CNTNAP2: variants seen among roughly 807,000 people sequenced by gnomAD.
CNTNAP2 encodes contactin-associated protein-like 2.
CNTNAP2 carries 98 observed loss-of-function variants against 155.2 expected under a neutral mutation model. The ratio of observed to expected loss-of-function variants is 0.63; its 90% CI spans 0.54 to 0.75. The LOEUF is 0.75. Ranked by LOEUF, CNTNAP2 falls within the 30% of genes least tolerant of loss-of-function variation. The pLI is 0.00. For synonymous variants in CNTNAP2, 651 were observed against 631.2 expected, an observed-to-expected ratio of 1.03 and a Z score of -0.47; for missense variants, 1,727 against 1,688.1, an observed-to-expected ratio of 1.02 and a Z score of -0.40.
chr7:147,911,123 TC>T (rs1256694452), intron 14 of CNTNAP2, among the ~76,000 whole-genome samples: 1 of 150,642 alleles, frequency 6.6e-6, no homozygotes, highest in Non-Finnish European at 1.5e-5. Context: ...CCCATTTCCC[TC>T]TCCTCCTAGC....
At chr7:148,319,834 A>G (rs1177801587) in intron 21 of CNTNAP2, among the ~76,000 whole-genome samples, 1 of 151,882 alleles carries the variant, frequency 6.6e-6, no homozygotes, top group Non-Finnish European at 1.5e-5. Context: ...AGTAAGTTGT[A>G]TAGTTATTTC....
intron 22 of CNTNAP2, among the ~76,000 whole-genome samples, chr7:148,392,501 G>A (rs1460243448): frequency 6.6e-6 from 1 of 152,196 alleles, no homozygotes; most frequent in Non-Finnish European, 1.5e-5. Flanking sequence ...TTGCTAGCAG[G>A]TGAATTCACA....
intron 21 of CNTNAP2, among the ~76,000 whole-genome samples, chr7:148,304,635 G>A (rs1919692): frequency 0.6 from 91,415 of 151,952 alleles, 29,392 homozygotes; most frequent in East Asian, 0.75. Flanking sequence ...GCTGGGTGCT[G>A]AAAAAACTTT....
At chr7:146,953,236 C>G (rs1228493091) in intron 3 of CNTNAP2, among the ~76,000 whole-genome samples, 1 of 151,838 alleles carries the variant, frequency 6.6e-6, no homozygotes, top group African/African-American at 2.4e-5. Context: ...TCAAGAAGTA[C>G]CAGCCACAAA....
chr7:146,165,353 GT>G (rs1408010299), intron 1 of CNTNAP2, among the ~76,000 whole-genome samples: 12 of 152,028 alleles, frequency 7.9e-5, no homozygotes, highest in African/African-American at 2.7e-4. Context: ...TTCCCAAAAG[GT>G]GGCATGCTTG....
chr7:147,457,326 C>T (rs945469484), intron 10 of CNTNAP2, among the ~76,000 whole-genome samples: 1 of 152,140 alleles, frequency 6.6e-6, no homozygotes, highest in African/African-American at 2.4e-5. Context: ...TTTCCTTCGA[C>T]TCAATGTGCT....
intron 8 of CNTNAP2, among the ~76,000 whole-genome samples, chr7:147,166,726 AG>A (rs1034144944): frequency 6.6e-6 from 1 of 151,918 alleles, no homozygotes. Flanking sequence ...TTACAGTCAA[AG>A]GGGGGTTTCT....
At chr7:147,134,480 C>A (rs570364213) in intron 8 of CNTNAP2, among the ~76,000 whole-genome samples, 2 of 151,464 alleles carry the variant, frequency 1.3e-5, no homozygotes, top group Non-Finnish European at 2.9e-5. Flanking sequence ...AGTGAAAATA[C>A]CTTACTGCTT....
Position 148,172,400 on chromosome 7 carries a change from G to A in CNTNAP2, c.2932G>A (p.Gly978Ser), listed in dbSNP as rs753407084. 1 of 1,614,024 alleles carries A rather than the reference G, an allele frequency of 6.2e-7. No homozygotes were observed. Among genetic ancestry groups the A allele is most frequent in the East Asian group, 2.2e-5 (1 of 44,896 alleles). The stretch of plus-strand genomic sequence containing the variant: ...CTATGGAACAAACTGTGAAAATGGA[G>A]GCAAATGCCTAGAGAGATACCACGG... ...TSYGTNCENG[G>S]KCLERYHGYS... The change falls in exon 18 of 24, where the codon GGC (glycine) becomes AGC (serine). Residue 978 changes from glycine to serine, a missense_variant. Physicochemically the swap from Gly to Ser is moderately conservative, Grantham distance 56. Transcript: ENST00000361727.
At chr7:148,126,678 T>C (rs939360894) in intron 16 of CNTNAP2, among the ~76,000 whole-genome samples, 2 of 151,894 alleles carry the variant, frequency 1.3e-5, no homozygotes, top group African/African-American at 4.8e-5. Flanking sequence ...AGACAAGAGG[T>C]GAAATGGACA....
chr7:146,163,583 ATC>A (rs201206919), intron 1 of CNTNAP2, among the ~76,000 whole-genome samples: 18,544 of 125,248 alleles, frequency 0.15, 1,326 homozygotes, highest in Middle Eastern at 0.21. Context: ...CTATCTATCT[ATC>A]TATATATATA....
chr7:146,772,051 G>A (rs921275161), intron 1 of CNTNAP2, among the ~76,000 whole-genome samples: 3 of 151,978 alleles, frequency 2.0e-5, no homozygotes, highest in Admixed American at 1.3e-4. Flanking sequence ...TTTAGAGTAC[G>A]TGCCAAGTAC....
intron 17 of CNTNAP2, among the ~76,000 whole-genome samples, chr7:148,163,945 G>GT (rs1168952202): frequency 1.3e-5 from 2 of 151,974 alleles, no homozygotes; most frequent in African/African-American, 4.8e-5. Flanking sequence ...GTTTTGTTTT[G>GT]TTTTTTTGAG....
intron 11 of CNTNAP2, among the ~76,000 whole-genome samples, chr7:147,543,204 G>A (rs1014378286): frequency 6.6e-6 from 1 of 152,226 alleles, no homozygotes; most frequent in African/African-American, 2.4e-5. Flanking sequence ...GGGATGGGTT[G>A]AATTAAAGGA....
intron 1 of CNTNAP2, among the ~76,000 whole-genome samples, chr7:146,600,097 A>G (rs774305120): frequency 2.3e-4 from 35 of 151,960 alleles, no homozygotes; most frequent in Non-Finnish European, 3.2e-4. Context: ...TTCCCACACA[A>G]TACTGGTTAA....
At chr7:146,928,666 G>A (rs370384487) in intron 3 of CNTNAP2, among the ~76,000 whole-genome samples, 4 of 152,220 alleles carry the variant, frequency 2.6e-5, no homozygotes, top group Admixed American at 6.5e-5. Context: ...AGGGGTCAGG[G>A]AGTTCCCTTT....
At chr7:146,920,237 A>T (rs182934190) in intron 3 of CNTNAP2, among the ~76,000 whole-genome samples, 1 of 152,166 alleles carries the variant, frequency 6.6e-6, no homozygotes, top group Non-Finnish European at 1.5e-5. Flanking sequence ...AAGGTGGTGA[A>T]ACTCCATCTC....
intron 3 of CNTNAP2, among the ~76,000 whole-genome samples, chr7:146,856,181 C>T (rs772550241): frequency 6.6e-6 from 1 of 151,552 alleles, no homozygotes; most frequent in African/African-American, 2.4e-5. Context: ...GCATTGCACA[C>T]CTTTAGAGAA....
chr7:147,085,988 G>A (rs1337948420), intron 4 of CNTNAP2, among the ~76,000 whole-genome samples: 2 of 151,450 alleles, frequency 1.3e-5, no homozygotes, highest in Admixed American at 6.6e-5. Flanking sequence ...TTAAACCTTG[G>A]AGCCTCATTG....
Sources: gnomAD v4.1 joint callset for allele counts (sites outside exome capture counted in the v4.1 genomes callset) on GRCh38, gnomAD v4.1.1 for gene constraint, MANE v1.5 for transcripts, NCBI Gene and HGNC (gene_info 2026-07-23, HGNC 2026-07-21) for gene names.